Variants in IDH2 observed in about 807,000 individuals in gnomAD.
IDH2 encodes the protein isocitrate dehydrogenase [NADP], mitochondrial.
Under a neutral mutation model 50.5 loss-of-function variants are expected in IDH2, and 18 were observed. The observed-to-expected ratio is 0.36, with a 90% CI of 0.25 to 0.53. The LOEUF (loss-of-function observed/expected upper bound fraction) is 0.53. Ranked by LOEUF, IDH2 falls within the 20% of genes least tolerant of loss-of-function variation. The probability of loss-of-function intolerance (pLI) is 0.92; values close to 1 mark genes in which losing one functional copy is unlikely to be tolerated. For missense variants in IDH2, 518 were observed against 610.7 expected, an observed-to-expected ratio of 0.85 and a Z score of 1.60; for synonymous variants, 280 against 239.8, an observed-to-expected ratio of 1.17 and a Z score of -1.55.
intron 1 of IDH2, among the ~76,000 whole-genome samples, chr15:90,095,472 T>TAAAAAA (rs10622800): frequency 2.9e-4 from 42 of 143,484 alleles, no homozygotes; most frequent in African/African-American, 9.3e-4. Flanking sequence ...TCAAATTTGT[T>TAAAAAA]AAAAAAAAAA....
At position 90,084,206 on chromosome 15, in the gene IDH2, C is replaced by G; in HGVS notation, c.*60G>C. On this transcript the variant is annotated 3_prime_UTR_variant, in exon 11 of 11. Transcript: ENST00000330062. The surrounding 1 kb of genome is among the most constrained non-coding windows in gnomAD (Gnocchi z 5.0). ...TGTGAGGCTCACCCTCTGCCGCGCT[C>G]AGGAGGACCCGCCGGCTCAGCCCTG... 1 of 1,446,658 alleles carries G rather than the reference C, an allele frequency of 6.9e-7. No individual in the cohort carries two copies. Among genetic ancestry groups the G allele is most frequent in the South Asian group, 1.2e-5 (1 of 85,894 alleles). The allele number at this position is 1,446,658 out of a possible 1,614,324, so 89.6% of individuals were successfully genotyped here.
intron 1 of IDH2, 85 bp downstream of exon 1, chr15:90,102,191 G>A: frequency 2.0e-6 from 1 of 512,528 alleles, no homozygotes; most frequent in Non-Finnish European, 2.9e-6. Flanking sequence ...GGGCTGGCGG[G>A]ACGTGCTTCC....
chr15:90,096,568 G>A (rs921328700), intron 1 of IDH2, among the ~76,000 whole-genome samples: 1 of 152,170 alleles, frequency 6.6e-6, no homozygotes, highest in Non-Finnish European at 1.5e-5. Flanking sequence ...TGGTGGGAAT[G>A]TGAAATGGTG....
In IDH2 at chr15:90,087,450, C is replaced by T. The variant is rs1900890540; in HGVS notation, c.804G>A (p.Glu268=). The change falls in exon 6 of 11, where the codon GAG becomes GAA. Residue 268 remains glutamate (E), a synonymous_variant. Coordinates refer to ENST00000330062, the MANE Select transcript of IDH2 (RefSeq NM_002168.4). ...GGATGAGGCTTTACTTGTCAAAGATCTCCTGGAAGATGTCCTTGAAACGCC... is the reference window on the plus strand; with the variant it reads ...GGATGAGGCTTTACTTGTCAAAGATTTCCTGGAAGATGTCCTTGAAACGCC... ...YDGRFKDIFQ[E]IFDKHYKTDF... is the part of the protein sequence containing the mutation. 1 of 1,614,210 alleles carries T rather than the reference C, an allele frequency of 6.2e-7. No individual in the cohort carries two copies. Among genetic ancestry groups the T allele is most frequent in the Non-Finnish European group, 8.5e-7 (1 of 1,180,026 alleles).
At chr15:90,092,727 C>T (rs1450506358) in intron 1 of IDH2, among the ~76,000 whole-genome samples, 1 of 152,144 alleles carries the variant, frequency 6.6e-6, no homozygotes, top group Non-Finnish European at 1.5e-5. Context: ...CAGGTGTGCA[C>T]CACAACACCT....
intron 1 of IDH2, among the ~76,000 whole-genome samples, chr15:90,095,437 T>C (rs917674087): frequency 6.6e-6 from 1 of 150,420 alleles, no homozygotes; most frequent in Non-Finnish European, 1.5e-5. Context: ...GAGCATCTCC[T>C]ATGAGTTAAT....
At chr15:90,091,498 A>T in intron 2 of IDH2, 55 bp downstream of exon 2, 1 of 1,387,954 alleles carries the variant, frequency 7.2e-7, no homozygotes, top group Non-Finnish European at 1.0e-6. Flanking sequence ...TGTGGGACAG[A>T]ACAATCCCTG....
At chr15:90,093,495 T>C (rs1194032022) in intron 1 of IDH2, among the ~76,000 whole-genome samples, 1 of 152,214 alleles carries the variant, frequency 6.6e-6, no homozygotes, top group Non-Finnish European at 1.5e-5. Flanking sequence ...TATAGATAGG[T>C]ATTGAGTGCC....
chr15:90,093,610 ATTTAT>A (rs1901104530), intron 1 of IDH2, among the ~76,000 whole-genome samples: 1 of 125,550 alleles, frequency 8.0e-6, no homozygotes, highest in African/African-American at 3.0e-5. Flanking sequence ...TAATTAATTA[ATTTAT>A]TTATTTATTT....
At position 90,098,539 on chromosome 15, in the gene IDH2, T is replaced by TATGCATGC. The variant is rs1567259741; in HGVS notation, c.115+3736_115+3737insGCATGCAT. On this transcript the variant is annotated intron_variant, in intron 1 of 10. Coordinates refer to ENST00000330062, the MANE Select transcript of IDH2 (RefSeq NM_002168.4). This position sits in a 1 kb window ranked among gnomAD's most constrained non-coding sequence, Gnocchi z 5.1. ...GTATGTATGTATGCATGCATGTATG[T>TATGCATGC]ATGTATGTATGTATGTATGTATTGA... 2.0e-5 allele frequency among the ~76,000 whole-genome samples: 3 copies of TATGCATGC among 147,024 alleles called. No individual in the cohort carries two copies. The highest frequency in any genetic ancestry group is 4.5e-5 in the Non-Finnish European group (3 of 66,278).
rs765712414 is a variant in IDH2 at position 90,085,050 on chromosome 15, G to A, written c.1129C>T (p.Arg377Cys). 9.9e-6 allele frequency: 16 copies of A among 1,614,012 alleles called. No homozygotes were observed. The highest frequency in any genetic ancestry group is 2.2e-5 in the East Asian group (1 of 44,882). ...NPIASIFAWT[R>C]GLEHRGKLDG... ...AGCTTCCCCCGGTGCTCCAGGCCAC[G>A]TGTCCAGGCAAAGATGCTGGCGATG... Residue 377 changes from arginine to cysteine, a missense_variant, in exon 9 of 11, where the codon CGT (arginine) becomes TGT (cysteine). Physicochemically the swap from Arg to Cys is radical, Grantham distance 180. Transcript: ENST00000330062. This position sits in a 1 kb window ranked among gnomAD's most constrained non-coding sequence, Gnocchi z 5.5.
rs940965627 is a variant in IDH2, at chr15:90,098,787, G to C, written c.115+3489C>G. Among the ~76,000 whole-genome samples the C allele has an allele frequency of 6.6e-6, 1 of 152,062 alleles. No individual in the cohort carries two copies. Among genetic ancestry groups the C allele is most frequent in the Non-Finnish European group, 1.5e-5 (1 of 68,012 alleles). ...TCGAACTCCTGGCCCCAACTGATCC[G>C]CCTGCTTCGGCCTCCCAAAGTCCTG... is the stretch of plus-strand genomic sequence containing the variant. On this transcript the variant is annotated intron_variant, in intron 1 of 10. Coordinates refer to ENST00000330062, the MANE Select transcript of IDH2 (RefSeq NM_002168.4). This position sits in a 1 kb window ranked among gnomAD's most constrained non-coding sequence, Gnocchi z 5.1.
rs200758694 is a variant in IDH2, at chr15:90,088,686, C to A, written c.435G>T (p.Gly145=). 90 of 1,613,696 alleles carry A rather than the reference C, an allele frequency of 5.6e-5. No homozygotes were observed. The highest frequency in any genetic ancestry group is 4.0e-4 in the East Asian group (18 of 44,864). Residue 145 remains glycine (G), a synonymous_variant, in exon 4 of 11, where the codon GGG becomes GGT. Coordinates refer to ENST00000330062, the MANE Select transcript of IDH2 (RefSeq NM_002168.4). ...AGATGATGGGCTCCCGGAAGACAGTCCCCCCCAGGATGTTCCGGATAGTTC... is the reference window on the plus strand; with the variant it reads ...AGATGATGGGCTCCCGGAAGACAGTACCCCCCAGGATGTTCCGGATAGTTC... ...PNGTIRNILG[G]TVFREPIICK...
chr15:90,096,846 G>A (rs899369857), intron 1 of IDH2, among the ~76,000 whole-genome samples: 1 of 151,986 alleles, frequency 6.6e-6, no homozygotes, highest in African/African-American at 2.4e-5. Flanking sequence ...CCCGGGAGGC[G>A]GAGCTTGCAG....
intron 7 of IDH2, among the ~76,000 whole-genome samples, chr15:90,086,502 T>C (rs958843740): frequency 5.3e-5 from 8 of 152,128 alleles, no homozygotes; most frequent in African/African-American, 1.9e-4. Flanking sequence ...CAAGAGATTC[T>C]CCTGCCTCAG....
rs369912137 is a variant in IDH2 at position 90,084,813 on chromosome 15, C to T, written c.1271+3G>A. On this transcript the variant is annotated splice_donor_region_variant and intron_variant, in intron 10 of 10. Coordinates refer to ENST00000330062, the MANE Select transcript of IDH2 (RefSeq NM_002168.4). The surrounding 1 kb of genome is among the most constrained non-coding windows in gnomAD (Gnocchi z 5.0). ...GGTCTGCCTACCACCCCAGGCCACG[C>T]ACTTGCTGAGGCCGTGAATGCAGCC... 17 of 1,611,900 alleles carry T rather than the reference C, an allele frequency of 1.1e-5. No homozygotes were observed. Among genetic ancestry groups the T allele is most frequent in the African/African-American group, 6.7e-5 (5 of 74,974 alleles).
chr15:90,087,551 A>C lies in IDH2; in HGVS notation c.703T>G (p.Cys235Gly). Residue 235 changes from cysteine (C) to glycine (G), a missense_variant, in exon 6 of 11, where the codon TGC (cysteine) becomes GGC (glycine). Cys to Gly is a radical substitution (Grantham distance 159). Coordinates refer to ENST00000330062, the MANE Select transcript of IDH2 (RefSeq NM_002168.4). ...TTCTTCTGGATGGCATACTGGAAGC[A>C]GCTGTGCGCAAAACCTGAGATGGAC... ...DESISGFAHSCFQYAIQKKWP... is the reference protein window; with the variant it reads ...DESISGFAHSGFQYAIQKKWP... 6.2e-7 allele frequency: 1 copy of C among 1,613,762 alleles called. No individual in the cohort carries two copies.
chr15:90,089,287 T>C (rs1384661786), intron 3 of IDH2, among the ~76,000 whole-genome samples: 1 of 151,990 alleles, frequency 6.6e-6, no homozygotes, highest in East Asian at 1.9e-4. Context: ...ACTGGAAAAA[T>C]AACCAGCCTA....
intron 3 of IDH2, 25 bp downstream of exon 3, chr15:90,090,454 C>G (rs938766895): frequency 1.2e-6 from 2 of 1,611,438 alleles, no homozygotes; most frequent in Non-Finnish European, 1.7e-6. Flanking sequence ...CCCTCCCTGG[C>G]CCGCCCACCT....
Sources: allele counts gnomAD v4.1 joint callset (sites outside exome capture counted in the v4.1 genomes callset), GRCh38; gene constraint gnomAD v4.1.1; non-coding constraint Gnocchi (gnomAD v3.1); transcripts MANE v1.5; gene names NCBI Gene and HGNC (gene_info 2026-07-23, HGNC 2026-07-21).